Variants in DDRGK1 observed in about 807,000 individuals in gnomAD.
DDRGK1 encodes DDRGK domain-containing protein 1.
Under a neutral mutation model 45.8 loss-of-function variants are expected in DDRGK1, and 38 were observed. The observed-to-expected ratio is 0.83, with a 90% CI of 0.64 to 1.09. The LOEUF (loss-of-function observed/expected upper bound fraction) is 1.09. Ranked by LOEUF, DDRGK1 falls within the 50% of genes least tolerant of loss-of-function variation. The pLI, the probability that DDRGK1 is intolerant of heterozygous loss-of-function variation, is 0.00. For missense variants in DDRGK1, 403 were observed against 419.9 expected (o/e 0.96, Z 0.35); for synonymous variants, 171 against 168.7 (o/e 1.01, Z -0.11).
intron 6 of DDRGK1, among the ~76,000 whole-genome samples, chr20:3,193,250 G>A (rs1312524478): frequency 3.9e-5 from 6 of 152,008 alleles, no homozygotes; most frequent in Non-Finnish European, 8.8e-5. Flanking sequence ...GAAATCTTAA[G>A]GCAAAAAAGG....
At position 3,200,627 on chromosome 20, in the gene DDRGK1, G is replaced by A. The variant is rs188007933; in HGVS notation, c.296-173C>T. Among the ~76,000 whole-genome samples the A allele has an allele frequency of 4.3e-3, 661 of 152,364 alleles. 4 individuals are homozygous for A. The highest frequency in any genetic ancestry group is 0.024 in the Middle Eastern group (7 of 294). The stretch of plus-strand genomic sequence containing the variant: ...ATCTGCCATGAGTGCGTGTGTGTGT[G>A]TGCATGAATATGTAGGGATGGGAGA... On this transcript the variant is annotated intron_variant, in intron 2 of 8. Transcript: ENST00000354488.
intron 8 of DDRGK1, 87 bp from the exon 9 acceptor site, chr20:3,190,906 G>C: frequency 6.7e-7 from 1 of 1,498,418 alleles, no homozygotes; most frequent in South Asian, 1.3e-5. Flanking sequence ...TTCACAGCTG[G>C]CTCAGGGCCC....
At chr20:3,199,333 G>GA (rs1017121639) in intron 4 of DDRGK1, among the ~76,000 whole-genome samples, 1 of 152,084 alleles carries the variant, frequency 6.6e-6, no homozygotes. Context: ...ATTCAGAAAG[G>GA]AAAAAACCCT....
Position 3,190,782 on chromosome 20 carries a change from G to A in DDRGK1, c.816C>T (p.Thr272=). 6.2e-7 allele frequency: 1 copy of A among 1,613,852 alleles called. No homozygotes were observed. The highest frequency in any genetic ancestry group is 1.1e-5 in the South Asian group (1 of 91,022). The change falls in exon 9 of 9, where the codon ACC becomes ACT. Residue 272 remains threonine, a synonymous_variant. Coordinates refer to ENST00000354488, the MANE Select transcript of DDRGK1 (RefSeq NM_023935.3). ...TGGCCACGGCGGCCAGTTCCTCTGG[G>A]GTTATGTAGATGAACTTGCCCCGGT... is the stretch of plus-strand genomic sequence containing the variant. The part of the protein sequence containing the change: ...IDDRGKFIYI[T]PEELAAVANF...
In DDRGK1 at chr20:3,204,541, T is replaced by G; in HGVS notation, c.87A>C (p.Ala29=). 1 of 1,561,098 alleles carries G rather than the reference T, an allele frequency of 6.4e-7. No individual in the cohort carries two copies. Among genetic ancestry groups the G allele is most frequent in the Non-Finnish European group, 8.6e-7 (1 of 1,160,074 alleles). ...TGGTGCAGCGGCATCTCCTACCTGA[T>G]GCCGCCCGGCCCCGGCTGCGAGTCA... ...LFLTRSRGRA[A]SAGQEPLHNE... Residue 29 remains alanine (A), a synonymous_variant, in exon 1 of 9, where the codon GCA becomes GCC. Coordinates refer to ENST00000354488, the MANE Select transcript of DDRGK1 (RefSeq NM_023935.3).
chr20:3,200,619 GT>G (rs2067033075), intron 2 of DDRGK1, among the ~76,000 whole-genome samples, 165 bp from the exon 3 acceptor site: 1 of 152,172 alleles, frequency 6.6e-6, no homozygotes, highest in Non-Finnish European at 1.5e-5. Context: ...ATGAGTGCGT[GT>G]GTGTGTGTGC....
At chr20:3,191,964 G>C (rs2066991212) in intron 6 of DDRGK1, 143 bp from the exon 7 acceptor site, 3 of 648,462 alleles carry the variant, frequency 4.6e-6, no homozygotes, top group Admixed American at 2.8e-5. Flanking sequence ...GGACAGCCTT[G>C]CTCCCCTGAC....
At chr20:3,191,050 C>G in intron 8 of DDRGK1, 140 bp downstream of exon 8, 1 of 1,223,602 alleles carries the variant, frequency 8.2e-7, no homozygotes, top group Non-Finnish European at 1.2e-6. Flanking sequence ...GTAACTGCAT[C>G]CAGCTACTCA....
intron 2 of DDRGK1, among the ~76,000 whole-genome samples, 198 bp downstream of exon 2, chr20:3,203,015 G>T (rs1160870999): frequency 6.6e-6 from 1 of 151,994 alleles, no homozygotes; most frequent in African/African-American, 2.4e-5. Flanking sequence ...TGGACACTGA[G>T]AGCCAAGATG....
At chr20:3,203,742 G>A (rs1024098055) in intron 1 of DDRGK1, among the ~76,000 whole-genome samples, 2 of 152,124 alleles carry the variant, frequency 1.3e-5, no homozygotes, top group African/African-American at 4.8e-5. Flanking sequence ...CTGATTTCTC[G>A]CCTAACACCA....
chr20:3,201,293 A>G (rs2067038395), intron 2 of DDRGK1, among the ~76,000 whole-genome samples: 1 of 149,800 alleles, frequency 6.7e-6, no homozygotes, highest in Non-Finnish European at 1.5e-5. Context: ...GTCTCAAAAA[A>G]AAAAAAAAAA....
Position 3,198,495 on chromosome 20 carries a change from G to A in DDRGK1, c.510+1506C>T, listed in dbSNP as rs574509010. On this transcript the variant is annotated intron_variant, in intron 4 of 8. Transcript: ENST00000354488. ...GTGGGTGGATCACCTGAGGTCGGGA[G>A]TTCGAGACCAGCCTGACCAACATAG... 6.0e-5 allele frequency among the ~76,000 whole-genome samples: 9 copies of A among 150,820 alleles called. No homozygotes were observed. The East Asian group carries it at 1.6e-3, about 26-fold the overall frequency.
chr20:3,190,805 G>A lies in DDRGK1; in HGVS notation c.793C>T (p.Arg265Trp), dbSNP rs781609753. Residue 265 changes from arginine to tryptophan, a missense_variant, in exon 9 of 9, where the codon CGG (arginine) becomes TGG (tryptophan). Transcript: ENST00000354488. The part of the protein sequence containing the change: ...EGTITGVIDD[R>W]GKFIYITPEE... ...GGGGTTATGTAGATGAACTTGCCCC[G>A]GTCGTCAATCACACCTGTGGGGACA... 1.1e-5 allele frequency: 18 copies of A among 1,612,324 alleles called. No individual in the cohort carries two copies. Among genetic ancestry groups the A allele is most frequent in the Admixed American group, 1.7e-5 (1 of 59,704 alleles).
rs2067057590 is a variant in DDRGK1, at chr20:3,204,555, G to C, written c.73C>G (p.Arg25Gly). 6.4e-7 allele frequency: 1 copy of C among 1,573,372 alleles called. No individual in the cohort carries two copies. The highest frequency in any genetic ancestry group is 1.3e-5 in the African/African-American group (1 of 74,464). Residue 25 changes from arginine (R) to glycine (G), a missense_variant, in exon 1 of 9, where the codon CGG becomes GGG. Physicochemically the swap from Arg to Gly is moderately radical, Grantham distance 125. Transcript: ENST00000354488. The part of the protein sequence containing the change: ...VGFILFLTRS[R>G]GRAASAGQEP... The stretch of plus-strand genomic sequence containing the variant: ...CTCCTACCTGATGCCGCCCGGCCCC[G>C]GCTGCGAGTCAGGAAGAGGATAAAG...
chr20:3,190,530 T>C lies in DDRGK1; in HGVS notation c.*123A>G. On this transcript the variant is annotated 3_prime_UTR_variant, in exon 9 of 9. Transcript: ENST00000354488. ...CAAGCCACACCAAGCTCAGCAGTAC[T>C]CACAGGCCTTTAATCTATAACTGCC... 7.9e-7 allele frequency: 1 copy of C among 1,258,498 alleles called. No homozygotes were observed. Among genetic ancestry groups the C allele is most frequent in the South Asian group, 1.4e-5 (1 of 71,464 alleles). 78.0% of individuals were successfully genotyped at this position (1,258,498 alleles called of 1,614,324 possible).
chr20:3,191,654 T>C lies in DDRGK1; in HGVS notation c.729+111A>G, dbSNP rs780206177. The C allele has an allele frequency of 5.1e-5, 64 of 1,261,732 alleles. No homozygotes were observed. In the African/African-American group the frequency reaches 7.4e-4, roughly 15 times the overall value. 78.2% of individuals were successfully genotyped at this position (1,261,732 alleles called of 1,614,324 possible). On this transcript the variant is annotated intron_variant, in intron 7 of 8. Transcript: ENST00000354488. ...ACTTCTGTGCACTACTCACTCTTGGTTGGGGACAAGGTAGACGGTGCATCA... is the reference window on the plus strand; with the variant it reads ...ACTTCTGTGCACTACTCACTCTTGGCTGGGGACAAGGTAGACGGTGCATCA...
rs745765313 is a variant in DDRGK1, at chr20:3,190,621, C to G, written c.*32G>C. 1.2e-6 allele frequency: 2 copies of G among 1,610,846 alleles called. No homozygotes were observed. The highest frequency in any genetic ancestry group is 8.5e-7 in the Non-Finnish European group (1 of 1,178,858). On this transcript the variant is annotated 3_prime_UTR_variant, in exon 9 of 9. Transcript: ENST00000354488. ...AAGATGTATAGCCAGGTAGGCCACACCAACTCTGAGTCCAAGAGGGAAGGA... is the reference window on the plus strand; with the variant it reads ...AAGATGTATAGCCAGGTAGGCCACAGCAACTCTGAGTCCAAGAGGGAAGGA...
Position 3,191,141 on chromosome 20 carries a change from A to G in DDRGK1, c.778+49T>C, listed in dbSNP as rs555131014. ...GCACATCCCTGCAGCCCCTGTGGCT[A>G]GACACTCTCCAAGGCCAGGACTGCA... On this transcript the variant is annotated intron_variant, in intron 8 of 8. Transcript: ENST00000354488. 8.7e-6 allele frequency: 14 copies of G among 1,610,000 alleles called. No homozygotes were observed. The Middle Eastern group carries it at 8.4e-4, about 97-fold the overall frequency.
intron 4 of DDRGK1, among the ~76,000 whole-genome samples, chr20:3,199,376 G>C (rs557843791): frequency 5.3e-4 from 81 of 152,238 alleles, no homozygotes; most frequent in Non-Finnish European, 1.0e-3. Flanking sequence ...CTGTATTCTG[G>C]CTTATCAGCC....
Sources: allele counts gnomAD v4.1 joint callset (sites outside exome capture counted in the v4.1 genomes callset), GRCh38; gene constraint gnomAD v4.1.1; transcripts MANE v1.5; gene names NCBI Gene and HGNC (gene_info 2026-07-23, HGNC 2026-07-21).